The following GSE1 variants were observed in gnomAD, a reference collection of about 807,000 sequenced individuals.
GSE1 encodes the protein Gse1 coiled-coil protein.
A neutral mutation model predicts 112.6 loss-of-function variants in GSE1; 32 were observed. That is an observed-to-expected ratio of 0.28 (90% CI 0.21 to 0.38). GSE1 has a LOEUF of 0.38. Ranked by LOEUF, GSE1 falls within the 10% of genes least tolerant of loss-of-function variation. The probability of loss-of-function intolerance (pLI) is 1.00; values close to 1 mark genes in which losing one functional copy is unlikely to be tolerated. For missense variants in GSE1, 2,348 were observed against 1,699.2 expected, an observed-to-expected ratio of 1.38 and a Z score of -6.71; for synonymous variants, 1,115 against 735.6, an observed-to-expected ratio of 1.52 and a Z score of -8.35.
chr16:85,534,592 C>CGCGTACTACATT (rs2044259977), intron 2 of GSE1, among the ~76,000 whole-genome samples: 1 of 152,176 alleles, frequency 6.6e-6, no homozygotes, highest in Non-Finnish European at 1.5e-5. Flanking sequence ...CCACTGTATG[C>CGCGTACTACATT]GCGTACTACA....
At chr16:85,452,769 G>A (rs961621191) in intron 2 of GSE1, among the ~76,000 whole-genome samples, 3 of 152,246 alleles carry the variant, frequency 2.0e-5, no homozygotes, top group Non-Finnish European at 4.4e-5. Flanking sequence ...AGAACTCCGG[G>A]TGTCTTTCCC....
intron 1 of GSE1, among the ~76,000 whole-genome samples, chr16:85,270,078 C>A (rs1156711261): frequency 2.0e-5 from 3 of 149,210 alleles, no homozygotes; most frequent in Admixed American, 1.3e-4. Context: ...TCCTTCCATG[C>A]GGCTATGTTA....
intron 2 of GSE1, among the ~76,000 whole-genome samples, chr16:85,513,654 G>A (rs565990875): frequency 6.6e-6 from 1 of 152,258 alleles, no homozygotes; most frequent in South Asian, 2.1e-4. Context: ...TCCTCCTCCA[G>A]GAAGCAGAAG....
At chr16:85,253,823 G>T (rs890623848) in intron 1 of GSE1, among the ~76,000 whole-genome samples, 1 of 151,982 alleles carries the variant, frequency 6.6e-6, no homozygotes, top group African/African-American at 2.4e-5. Context: ...AGTGAGAACT[G>T]TGTGTGCAAA....
chr16:85,644,571 C>T (rs74318508), intron 2 of GSE1, among the ~76,000 whole-genome samples: 2 of 152,286 alleles, frequency 1.3e-5, no homozygotes, highest in East Asian at 1.9e-4. Flanking sequence ...CGAGAAGGGC[C>T]ACGCGGTGGG....
intron 8 of GSE1, among the ~76,000 whole-genome samples, chr16:85,657,964 T>A (rs1194819638): frequency 6.6e-6 from 1 of 152,228 alleles, no homozygotes; most frequent in Non-Finnish European, 1.5e-5. Context: ...CTCTCCATCT[T>A]CCTCTGCTTT....
At chr16:85,515,045 A>G (rs116714444) in intron 2 of GSE1, among the ~76,000 whole-genome samples, 1,915 of 152,194 alleles carry the variant, frequency 0.013, 41 homozygotes, top group African/African-American at 0.044. Context: ...ATGTGTGTGC[A>G]TGTGTGTGTA....
intron 2 of GSE1, among the ~76,000 whole-genome samples, chr16:85,358,355 C>T (rs959727102): frequency 6.6e-6 from 1 of 152,160 alleles, no homozygotes; most frequent in East Asian, 1.9e-4. Context: ...TTTATGGCCT[C>T]ATCCTGAAGC....
intron 1 of GSE1, among the ~76,000 whole-genome samples, chr16:85,589,609 G>A (rs2046883100): frequency 6.6e-6 from 1 of 152,230 alleles, no homozygotes; most frequent in Admixed American, 6.5e-5. Context: ...CCCAGTGTGT[G>A]TGTGTATGCG....
chr16:85,645,643 C>T (rs1394586536), intron 2 of GSE1, among the ~76,000 whole-genome samples: 1 of 152,242 alleles, frequency 6.6e-6, no homozygotes. Context: ...CTGTGAGCAG[C>T]AGTTTTCTTT....
At chr16:85,533,165 C>T (rs1221189805) in intron 2 of GSE1, among the ~76,000 whole-genome samples, 1 of 152,048 alleles carries the variant, frequency 6.6e-6, no homozygotes, top group Non-Finnish European at 1.5e-5. Context: ...GTAATCCCAG[C>T]ACTTTGGGAG....
At chr16:85,241,691 T>C (rs548337228) in intron 1 of GSE1, among the ~76,000 whole-genome samples, 1 of 152,158 alleles carries the variant, frequency 6.6e-6, no homozygotes, top group Admixed American at 6.5e-5. Flanking sequence ...TCTGAAACCC[T>C]GCGCTTTATG....
At position 85,668,154 on chromosome 16, in the gene GSE1, C is replaced by T. The variant is rs764602395; in HGVS notation, c.3145C>T (p.Leu1049=). Residue 1049 remains leucine, a synonymous_variant, in exon 14 of 16, where the codon CTG becomes TTG. Coordinates refer to ENST00000253458, the MANE Select transcript of GSE1 (RefSeq NM_014615.5). ...LQKHKGSVAV[L]SAEQNHKVDT... Reference sequence around the variant, plus strand: ...CCCCTCCACAGGGAGCGTGGCTGTGCTGTCTGCAGAGCAGAACCACAAGGT... The same window carrying T: ...CCCCTCCACAGGGAGCGTGGCTGTGTTGTCTGCAGAGCAGAACCACAAGGT... The T allele has an allele frequency of 1.0e-5, 16 of 1,587,772 alleles. No individual in the cohort carries two copies. Among genetic ancestry groups the T allele is most frequent in the Non-Finnish European group, 1.4e-5 (16 of 1,164,150 alleles).
At chr16:85,514,560 C>T (rs535094658) in intron 2 of GSE1, among the ~76,000 whole-genome samples, 34 of 152,148 alleles carry the variant, frequency 2.2e-4, no homozygotes, top group Non-Finnish European at 4.9e-4. Context: ...GGAAGCTTGG[C>T]ACGGCCTCCG....
chr16:85,436,496 T>G (rs1195830983), intron 2 of GSE1, among the ~76,000 whole-genome samples: 1 of 152,226 alleles, frequency 6.6e-6, no homozygotes, highest in Non-Finnish European at 1.5e-5. Context: ...ACTCTTAGCC[T>G]AGAATGCAGG....
rs187289135 is a variant in GSE1 at position 85,631,934 on chromosome 16, G to A, written c.8-1980G>A. Among the ~76,000 whole-genome samples, 468 of 152,392 alleles carry A rather than the reference G, an allele frequency of 3.1e-3. 1 individual carries two copies. The highest frequency in any genetic ancestry group is 7.1e-3 in the Admixed American group (108 of 15,314). The stretch of plus-strand genomic sequence containing the variant: ...GATGGCAGCCCGGTGCGGGGGACAC[G>A]CAGAGGCCAGGCCCGCCTTGGGGGC... On this transcript the variant is annotated intron_variant, in intron 1 of 15. Coordinates refer to ENST00000253458, the MANE Select transcript of GSE1 (RefSeq NM_014615.5).
chr16:85,486,625 C>CAT (rs1567528343), intron 2 of GSE1, among the ~76,000 whole-genome samples: 4 of 152,084 alleles, frequency 2.6e-5, no homozygotes, highest in Admixed American at 6.5e-5. Flanking sequence ...GAGAGGCCTG[C>CAT]CCTGGTCCCC....
At chr16:85,358,970 A>G (rs1465939926) in intron 2 of GSE1, among the ~76,000 whole-genome samples, 2 of 152,220 alleles carry the variant, frequency 1.3e-5, no homozygotes, top group African/African-American at 4.8e-5. Flanking sequence ...AAATGGGAAG[A>G]AAGCTAATGG....
At chr16:85,211,653 G>C (rs771226970) in intron 1 of GSE1, among the ~76,000 whole-genome samples, 2 of 152,176 alleles carry the variant, frequency 1.3e-5, no homozygotes, top group South Asian at 4.1e-4. Flanking sequence ...GTTCCCATCT[G>C]GCCTGGAGAG....
Sources: gnomAD v4.1 joint callset for allele counts (sites outside exome capture counted in the v4.1 genomes callset) on GRCh38, gnomAD v4.1.1 for gene constraint, MANE v1.5 for transcripts, NCBI Gene and HGNC (gene_info 2026-07-23, HGNC 2026-07-21) for gene names.